ATRNL1: variants seen among roughly 807,000 people sequenced by gnomAD.
The protein encoded by ATRNL1 is attractin-like protein 1.
ATRNL1 carries 95 observed loss-of-function variants against 182.7 expected under a neutral mutation model. The observed-to-expected ratio is 0.52, with a 90% CI of 0.44 to 0.62. The LOEUF (loss-of-function observed/expected upper bound fraction) is 0.62. ATRNL1 is among the 20% of genes least tolerant of loss of function. The pLI is 0.00. For missense variants in ATRNL1, 1,471 were observed against 1,679.5 expected (o/e 0.88, Z 2.17); for synonymous variants, 576 against 568.3 (o/e 1.01, Z -0.19).
At chr10:115,699,205 T>C (rs1272829290) in intron 26 of ATRNL1, among the ~76,000 whole-genome samples, 8 of 152,100 alleles carry the variant, frequency 5.3e-5, no homozygotes, top group African/African-American at 1.9e-4. Context: ...CTAAGAAGAT[T>C]CAGTGTAGTA....
chr10:115,373,182 A>T (rs1196960283), intron 19 of ATRNL1, among the ~76,000 whole-genome samples: 3 of 152,080 alleles, frequency 2.0e-5, no homozygotes, highest in African/African-American at 7.2e-5. Context: ...CTGTTAGTGT[A>T]TAGAAATGCT....
At chr10:115,651,643 C>A (rs1860010676) in intron 26 of ATRNL1, among the ~76,000 whole-genome samples, 1 of 152,070 alleles carries the variant, frequency 6.6e-6, no homozygotes, top group East Asian at 1.9e-4. Context: ...AAAATGTGAG[C>A]AAGGCATTCG....
chr10:115,830,030 G>T (rs549420531), intron 27 of ATRNL1, among the ~76,000 whole-genome samples: 2 of 152,292 alleles, frequency 1.3e-5, no homozygotes, highest in East Asian at 3.9e-4. Flanking sequence ...CAGCAGACCT[G>T]CAACAAGAGA....
At chr10:115,293,545 G>T (rs568671967) in intron 15 of ATRNL1, among the ~76,000 whole-genome samples, 1 of 151,942 alleles carries the variant, frequency 6.6e-6, no homozygotes, top group East Asian at 1.9e-4. Context: ...TAGTGTGTTG[G>T]CTCTACCAGT....
At chr10:115,803,711 A>G (rs1191022568) in intron 27 of ATRNL1, among the ~76,000 whole-genome samples, 3 of 151,836 alleles carry the variant, frequency 2.0e-5, no homozygotes, top group Non-Finnish European at 4.4e-5. Context: ...CCATTTTTCC[A>G]TGTTTTTTTC....
chr10:115,832,974 T>C (rs1950591707), intron 27 of ATRNL1, among the ~76,000 whole-genome samples: 1 of 152,162 alleles, frequency 6.6e-6, no homozygotes, highest in African/African-American at 2.4e-5. Flanking sequence ...CACAAGTATT[T>C]TTATGTCCCA....
intron 27 of ATRNL1, among the ~76,000 whole-genome samples, chr10:115,741,140 T>C (rs1321367952): frequency 1.3e-5 from 2 of 152,112 alleles, no homozygotes; most frequent in Admixed American, 6.5e-5. Context: ...TTCAGAAACT[T>C]ACAGACTAAC....
At chr10:115,774,425 C>CAA (rs56048429) in intron 27 of ATRNL1, among the ~76,000 whole-genome samples, 3 of 69,370 alleles carry the variant, frequency 4.3e-5, no homozygotes, top group African/African-American at 1.6e-4. Context: ...GACTCCATCT[C>CAA]AAAAAAAAAA....
intron 26 of ATRNL1, among the ~76,000 whole-genome samples, chr10:115,626,877 A>G (rs1858138873): frequency 6.6e-6 from 1 of 152,164 alleles, no homozygotes; most frequent in Non-Finnish European, 1.5e-5. Context: ...GAGAGGTTAT[A>G]CTGTTGATTA....
At chr10:115,793,345 A>G (rs561356792) in intron 27 of ATRNL1, among the ~76,000 whole-genome samples, 1 of 152,232 alleles carries the variant, frequency 6.6e-6, no homozygotes, top group East Asian at 1.9e-4. Flanking sequence ...CTCATCATAG[A>G]AAATGATGGT....
chr10:115,442,297 C>CTCTCTCTT (rs1385253722), intron 21 of ATRNL1, among the ~76,000 whole-genome samples: 3 of 133,962 alleles, frequency 2.2e-5, no homozygotes, highest in African/African-American at 7.6e-5. Context: ...CTCTCTCTCT[C>CTCTCTCTT]TCTCTCTGTG....
intron 26 of ATRNL1, among the ~76,000 whole-genome samples, chr10:115,623,604 AT>A (rs1367090428): frequency 6.6e-6 from 1 of 152,164 alleles, no homozygotes; most frequent in African/African-American, 2.4e-5. Context: ...AAAAACCAAA[AT>A]AAAGTACAAA....
intron 21 of ATRNL1, among the ~76,000 whole-genome samples, chr10:115,451,600 TA>T (rs1401204625): frequency 4.6e-5 from 7 of 152,064 alleles, no homozygotes; most frequent in African/African-American, 1.7e-4. Context: ...TATTAAAAAG[TA>T]AAAAAATAAC....
chr10:115,357,447 G>A (rs1166539752), intron 19 of ATRNL1, among the ~76,000 whole-genome samples: 1 of 151,826 alleles, frequency 6.6e-6, no homozygotes, highest in Middle Eastern at 3.2e-3. Flanking sequence ...TGATGGTGGA[G>A]AAGTTAATTA....
chr10:115,174,595 C>G (rs1286277551), intron 8 of ATRNL1, among the ~76,000 whole-genome samples: 1 of 151,724 alleles, frequency 6.6e-6, no homozygotes, highest in Non-Finnish European at 1.5e-5. Context: ...TATAAATGAC[C>G]AGATAGTAAA....
chr10:115,725,568 A>G (rs913949082), intron 26 of ATRNL1, among the ~76,000 whole-genome samples: 7 of 152,184 alleles, frequency 4.6e-5, no homozygotes, highest in Non-Finnish European at 7.4e-5. Context: ...TTGATAATAC[A>G]AATCTTAGAA....
chr10:115,622,064 C>T (rs1385200315), intron 26 of ATRNL1, among the ~76,000 whole-genome samples: 1 of 152,102 alleles, frequency 6.6e-6, no homozygotes, highest in Non-Finnish European at 1.5e-5. Context: ...AGAATTACTG[C>T]TTTTTTCCAA....
chr10:115,375,323 A>C (rs1381151680), intron 19 of ATRNL1, among the ~76,000 whole-genome samples: 9 of 151,920 alleles, frequency 5.9e-5, no homozygotes, highest in African/African-American at 1.7e-4. Flanking sequence ...TGCATGGAAT[A>C]TCATTTTCCA....
In ATRNL1 at chr10:115,300,113, C is replaced by T; in HGVS notation, c.2495C>T (p.Thr832Ile). ...GAAGACATGTCTCCTTTTACAAACA[C>T]AACACTACAGTGGCTTCCTGGCGAA... ...GWEDMSPFTN[T>I]TLQWLPGEPN... The change falls in exon 16 of 29, where the codon ACA becomes ATA. Residue 832 changes from threonine to isoleucine, a missense_variant. Physicochemically the swap from Thr to Ile is moderately conservative, Grantham distance 89. Coordinates refer to ENST00000355044, the MANE Select transcript of ATRNL1 (RefSeq NM_207303.4). 6.2e-7 allele frequency: 1 copy of T among 1,614,060 alleles called. No individual in the cohort carries two copies. Among genetic ancestry groups the T allele is most frequent in the Non-Finnish European group, 8.5e-7 (1 of 1,179,924 alleles).
Sources: gnomAD v4.1 joint callset for allele counts (sites outside exome capture counted in the v4.1 genomes callset) on GRCh38, gnomAD v4.1.1 for gene constraint, MANE v1.5 for transcripts, NCBI Gene and HGNC (gene_info 2026-07-23, HGNC 2026-07-21) for gene names.